Variants in BEAN1 observed in about 807,000 individuals in gnomAD.
BEAN1 encodes the protein brain expressed associated with NEDD4 1.
In BEAN1, 17 loss-of-function variants were observed where a neutral mutation model predicts 17.7. That is an observed-to-expected ratio of 0.96 (90% CI 0.66 to 1.44). BEAN1 has a LOEUF of 1.44. Among genes scored for constraint, BEAN1 ranks in the 40% most tolerant of loss-of-function variants. BEAN1 has a pLI of 0.00. For missense variants in BEAN1, 359 were observed against 374.1 expected (o/e 0.96, Z 0.33); for synonymous variants, 142 against 151.8 (o/e 0.94, Z 0.47).
rs386384954 is a variant in BEAN1 at position 66,440,123 on chromosome 16, C to CTT, written c.25+2445_25+2446dup. Among the ~76,000 whole-genome samples the CTT allele has an allele frequency of 8.4e-3, 630 of 75,268 alleles. 2 individuals are homozygous for CTT. The highest frequency in any genetic ancestry group is 0.01 in the East Asian group (25 of 2,412). The allele number at this position is 75,268 out of a possible 152,430, so 49.4% of individuals were successfully genotyped here. A position where few individuals can be genotyped will look rare whatever the true frequency, so the allele number is the denominator to read the frequency against. On this transcript the variant is annotated intron_variant, in intron 2 of 4. Coordinates refer to ENST00000536005, the MANE Select transcript of BEAN1 (RefSeq NM_001178020.3). The stretch of plus-strand genomic sequence containing the variant: ...CTGCGTCTCACCCTGTTGGGTACTT[C>CTT]TTTTTTTTTTTTTTTTTTTTTTTTG...
intron 1 of BEAN1, among the ~76,000 whole-genome samples, chr16:66,430,182 A>C (rs1961743425): frequency 6.6e-6 from 1 of 152,240 alleles, no homozygotes; most frequent in South Asian, 2.1e-4. Context: ...CACCTCCCAG[A>C]ATAGTGTGAG....
At position 66,481,253 on chromosome 16, in the gene BEAN1, A is replaced by G. The variant is rs1963978323; in HGVS notation, c.*328A>G. On this transcript the variant is annotated 3_prime_UTR_variant, in exon 5 of 5. Transcript: ENST00000536005. This position sits in a 1 kb window ranked among gnomAD's most constrained non-coding sequence, Gnocchi z 4.1. ...TGTGCCTCTGTAGAGAGCGCTTCGG[A>G]GAGAGAGGCGAAGTAGGAAGTGGGA... 2.5e-6 allele frequency: 1 copy of G among 399,724 alleles called. No individual in the cohort carries two copies. The highest frequency in any genetic ancestry group is 4.4e-6 in the Non-Finnish European group (1 of 226,820). 24.8% of individuals were successfully genotyped at this position (399,724 alleles called of 1,614,324 possible). A position where few individuals can be genotyped will look rare whatever the true frequency, so the allele number is the denominator to read the frequency against.
chr16:66,483,260 C>T (rs759904724), downstream of BEAN1: 5 of 172,872 alleles, frequency 2.9e-5, no homozygotes, highest in Non-Finnish European at 5.0e-5. Flanking sequence ...TGTCATTTTC[C>T]TGTTGATGTG....
At chr16:66,438,044 C>T in intron 2 of BEAN1, 1 of 384,602 alleles carries the variant, frequency 2.6e-6, no homozygotes, top group Non-Finnish European at 4.8e-6. Context: ...CTGGGGGAGT[C>T]ATGTTAAGAA....
chr16:66,466,242 A>C (rs1320534666), intron 2 of BEAN1, among the ~76,000 whole-genome samples: 2 of 152,196 alleles, frequency 1.3e-5, no homozygotes, highest in Non-Finnish European at 2.9e-5. Context: ...TTGCAGCTGC[A>C]CTCCAGCCTG....
At chr16:66,435,713 T>G (rs528634249) in intron 1 of BEAN1, among the ~76,000 whole-genome samples, 7 of 152,194 alleles carry the variant, frequency 4.6e-5, no homozygotes, top group Admixed American at 2.6e-4. Context: ...GGTCTCGATC[T>G]CCTGACCTCA....
intron 1 of BEAN1, among the ~76,000 whole-genome samples, chr16:66,436,721 G>C (rs575323263): frequency 2.0e-5 from 3 of 152,052 alleles, no homozygotes; most frequent in Admixed American, 2.0e-4. Context: ...GATTACAGGT[G>C]TGAGCCATTG....
At position 66,471,742 on chromosome 16, in the gene BEAN1, G is replaced by A. The variant is rs529981233; in HGVS notation, c.289+1877G>A. Among the ~76,000 whole-genome samples, 1 of 152,324 alleles carries A rather than the reference G, an allele frequency of 6.6e-6. No individual in the cohort carries two copies. The highest frequency in any genetic ancestry group is 6.5e-5 in the Admixed American group (1 of 15,304). Reference sequence around the variant, plus strand: ...GTTCAGCATGAATAAAACAGATGTGGAAAGCTCAGCCCACCCAGTCTCTGC... The same window carrying A: ...GTTCAGCATGAATAAAACAGATGTGAAAAGCTCAGCCCACCCAGTCTCTGC... On this transcript the variant is annotated intron_variant, in intron 3 of 4. Coordinates refer to ENST00000536005, the MANE Select transcript of BEAN1 (RefSeq NM_001178020.3). The surrounding 1 kb of genome is among the most constrained non-coding windows in gnomAD (Gnocchi z 4.7).
At chr16:66,474,894 C>T (rs138787784) in intron 3 of BEAN1, among the ~76,000 whole-genome samples, 2 of 152,254 alleles carry the variant, frequency 1.3e-5, no homozygotes, top group Non-Finnish European at 2.9e-5. Flanking sequence ...ACTTCACTCT[C>T]GGTCTCTTCA....
intron 2 of BEAN1, among the ~76,000 whole-genome samples, chr16:66,447,738 TG>T (rs1483834325): frequency 6.6e-6 from 1 of 152,168 alleles, no homozygotes; most frequent in Non-Finnish European, 1.5e-5. Context: ...CCTCATAGGT[TG>T]GTTGCAAGAG....
intron 2 of BEAN1, among the ~76,000 whole-genome samples, chr16:66,442,696 A>G (rs1296217451): frequency 6.6e-6 from 1 of 152,204 alleles, no homozygotes; most frequent in Non-Finnish European, 1.5e-5. Context: ...TTGCTCATCT[A>G]TAAAATGGGA....
At chr16:66,449,667 A>AT (rs921535010) in intron 2 of BEAN1, among the ~76,000 whole-genome samples, 6 of 151,416 alleles carry the variant, frequency 4.0e-5, no homozygotes, top group Non-Finnish European at 8.8e-5. Context: ...AAAAGATTAT[A>AT]TTTTTTCAAG....
In BEAN1 at chr16:66,481,159, C is replaced by T; in HGVS notation, c.*234C>T. On this transcript the variant is annotated 3_prime_UTR_variant, in exon 5 of 5. Transcript: ENST00000536005. This position sits in a 1 kb window ranked among gnomAD's most constrained non-coding sequence, Gnocchi z 4.1. ...ATACAGGCCTACCACAAACACAAAA[C>T]CCACCTGCAAAGGTTTCACGGAACG... The T allele has an allele frequency of 2.4e-6, 1 of 420,656 alleles. No homozygotes were observed. The highest frequency in any genetic ancestry group is 4.3e-5 in the Admixed American group (1 of 23,468). The allele number at this position is 420,656 out of a possible 1,614,324, so 26.1% of individuals were successfully genotyped here. A position where few individuals can be genotyped will look rare whatever the true frequency, so the allele number is the denominator to read the frequency against.
At chr16:66,446,883 C>T (rs1261162833) in intron 2 of BEAN1, among the ~76,000 whole-genome samples, 1 of 152,178 alleles carries the variant, frequency 6.6e-6, no homozygotes, top group African/African-American at 2.4e-5. Flanking sequence ...CTCAGCTCTG[C>T]ATCTGGACCT....
chr16:66,477,533 C>A (rs1963799721), intron 3 of BEAN1, 27 bp from the exon 4 acceptor site: 1 of 1,508,796 alleles, frequency 6.6e-7, no homozygotes, highest in Non-Finnish European at 8.9e-7. Context: ...TGGTCTGAGG[C>A]CCAGGCCGGT....
intron 4 of BEAN1, among the ~76,000 whole-genome samples, chr16:66,480,203 G>A (rs1002892600): frequency 5.3e-5 from 8 of 152,154 alleles, no homozygotes; most frequent in African/African-American, 1.9e-4. Flanking sequence ...GGGAACTTTG[G>A]AGTGGCTGGA....
chr16:66,453,232 TTTC>T (rs1490721893), intron 2 of BEAN1, among the ~76,000 whole-genome samples: 1 of 152,114 alleles, frequency 6.6e-6, no homozygotes, highest in African/African-American at 2.4e-5. Context: ...CTTCTTTTCC[TTTC>T]TTCTTTTCTA....
At chr16:66,494,236 C>A (rs370630551), downstream of BEAN1, among the ~76,000 whole-genome samples, 1 of 152,176 alleles carries the variant, frequency 6.6e-6, no homozygotes, top group Non-Finnish European at 1.5e-5. Context: ...AAGCAGGGCA[C>A]GGGGGAAGAG....
At position 66,469,632 on chromosome 16, in the gene BEAN1, A is replaced by G; in HGVS notation, c.56A>G (p.Tyr19Cys). The G allele has an allele frequency of 6.5e-7, 1 of 1,535,800 alleles. No homozygotes were observed. The highest frequency in any genetic ancestry group is 2.4e-5 in the East Asian group (1 of 40,888). Residue 19 changes from tyrosine (Y) to cysteine (C), a missense_variant, in exon 3 of 5, where the codon TAC (tyrosine) becomes TGC (cysteine). By Grantham distance (194) the Tyr-to-Cys change is radical (BLOSUM62 -2). Coordinates refer to ENST00000536005, the MANE Select transcript of BEAN1 (RefSeq NM_001178020.3). ...LARYNRTSYFYPTFSESSEHS... is the reference protein window; with the variant it reads ...LARYNRTSYFCPTFSESSEHS... ...CGATACAACCGCACCAGCTACTTCTACCCCACATTCTCAGAGAGCTCGGAG... is the reference window on the plus strand; with the variant it reads ...CGATACAACCGCACCAGCTACTTCTGCCCCACATTCTCAGAGAGCTCGGAG...
Sources: gnomAD v4.1 joint callset for allele counts (sites outside exome capture counted in the v4.1 genomes callset) on GRCh38, gnomAD v4.1.1 for gene constraint, Gnocchi (gnomAD v3.1) non-coding constraint, MANE v1.5 for transcripts, NCBI Gene and HGNC (gene_info 2026-07-23, HGNC 2026-07-21) for gene names.